The following TMEM87B variants were observed in gnomAD, a reference collection of about 807,000 sequenced individuals.
TMEM87B encodes transmembrane protein 87B.
Under a neutral mutation model 80.3 loss-of-function variants are expected in TMEM87B, and 83 were observed. The observed-to-expected ratio is 1.03, with a 90% CI of 0.87 to 1.24. The LOEUF is 1.24. Ranked by LOEUF, TMEM87B falls within the 50% of genes most tolerant of loss-of-function variation. The probability of loss-of-function intolerance (pLI) is 0.00; values close to 1 mark genes in which losing one functional copy is unlikely to be tolerated. For missense variants in TMEM87B, 625 were observed against 674.4 expected (o/e 0.93, Z 0.81); for synonymous variants, 219 against 230.5 (o/e 0.95, Z 0.45).
At chr2:112,089,546 G>A in intron 9 of TMEM87B, 79 bp from the exon 10 acceptor site, 1 of 1,250,236 alleles carries the variant, frequency 8.0e-7, no homozygotes, top group Non-Finnish European at 1.2e-6. Context: ...TATTGGAAAT[G>A]GTGCCAGTTA....
chr2:112,078,636 C>G (rs1573699165), intron 6 of TMEM87B, among the ~76,000 whole-genome samples: 1 of 152,224 alleles, frequency 6.6e-6, no homozygotes, highest in Non-Finnish European at 1.5e-5. Context: ...GTGCCCACTT[C>G]TTTCCCAGGC....
chr2:112,102,910 T>C (rs1679668788), intron 15 of TMEM87B, among the ~76,000 whole-genome samples: 1 of 152,164 alleles, frequency 6.6e-6, no homozygotes, highest in African/African-American at 2.4e-5. Context: ...GGTATGTACA[T>C]ACCACTTTGA....
chr2:112,097,737 A>T (rs923072961), intron 13 of TMEM87B, among the ~76,000 whole-genome samples: 3 of 143,026 alleles, frequency 2.1e-5, no homozygotes, highest in Non-Finnish European at 3.1e-5. Context: ...AAAAAAAAAA[A>T]CTTTTAACTC....
At chr2:112,113,424 CA>C (rs1254662275) in intron 18 of TMEM87B, among the ~76,000 whole-genome samples, 14 of 152,108 alleles carry the variant, frequency 9.2e-5, no homozygotes, top group Non-Finnish European at 1.9e-4. Context: ...CATTAACTTT[CA>C]AAAAGGACGA....
In TMEM87B at chr2:112,055,640, C is replaced by T. The variant is rs764554562; in HGVS notation, c.49C>T (p.Arg17Cys). Residue 17 changes from arginine to cysteine, a missense_variant, in exon 1 of 19, where the codon CGC (arginine) becomes TGC (cysteine). Physicochemically the swap from Arg to Cys is radical, Grantham distance 180. Transcript: ENST00000283206. ...AGCCGGGCTCCTGCCACGCCGCCGCCGCTGCTTTCCCGCCCGGGCCCCGCT... is the reference window on the plus strand; with the variant it reads ...AGCCGGGCTCCTGCCACGCCGCCGCTGCTGCTTTCCCGCCCGGGCCCCGCT... ...SVAGLLPRRR[R>C]CFPARAPLLR... 4.5e-6 allele frequency: 7 copies of T among 1,559,108 alleles called. No homozygotes were observed. The highest frequency in any genetic ancestry group is 1.2e-5 in the South Asian group (1 of 85,728).
At chr2:112,066,413 T>A (rs1343784935) in intron 3 of TMEM87B, among the ~76,000 whole-genome samples, 5 of 152,334 alleles carry the variant, frequency 3.3e-5, no homozygotes, top group Non-Finnish European at 4.4e-5. Flanking sequence ...CAACTCCACT[T>A]TTTTTGATGA....
chr2:112,060,105 T>C, intron 2 of TMEM87B, 68 bp downstream of exon 2: 1 of 1,386,102 alleles, frequency 7.2e-7, no homozygotes, highest in Non-Finnish European at 9.5e-7. Context: ...CCCGGCACTT[T>C]GGGAGGCCGA....
rs1163154029 is a variant in TMEM87B, at chr2:112,117,608, C to T, written c.*1465C>T. Reference sequence around the variant, plus strand: ...AGTGAACAGTGTTGGCAAACATTACCGAGAAAATCATGCTTTTCAAGATGC... The same window carrying T: ...AGTGAACAGTGTTGGCAAACATTACTGAGAAAATCATGCTTTTCAAGATGC... On this transcript the variant is annotated 3_prime_UTR_variant, in exon 19 of 19. Transcript: ENST00000283206. 4 of 151,798 alleles carry T rather than the reference C, an allele frequency of 2.6e-5. No homozygotes were observed. The highest frequency in any genetic ancestry group is 3.9e-4 in the East Asian group (2 of 5,184). 9.4% of individuals were successfully genotyped at this position (151,798 alleles called of 1,614,324 possible).
chr2:112,107,720 A>T, intron 16 of TMEM87B, 68 bp from the exon 17 acceptor site: 2 of 822,624 alleles, frequency 2.4e-6, no homozygotes, highest in Non-Finnish European at 1.9e-6. Context: ...AGTTATATAT[A>T]TATTCTGTTT....
chr2:112,087,946 GT>G (rs1252644021), intron 9 of TMEM87B, among the ~76,000 whole-genome samples: 1 of 152,108 alleles, frequency 6.6e-6, no homozygotes, highest in East Asian at 1.9e-4. Flanking sequence ...CTGGGAGCTC[GT>G]CTTCCATCCT....
chr2:112,094,062 G>A (rs1398364004), intron 11 of TMEM87B, among the ~76,000 whole-genome samples: 2 of 151,868 alleles, frequency 1.3e-5, no homozygotes, highest in African/African-American at 2.4e-5. Flanking sequence ...TAGGGAGTAT[G>A]GTCCTTCATT....
intron 11 of TMEM87B, among the ~76,000 whole-genome samples, chr2:112,094,372 A>G (rs1309453726): frequency 1.3e-5 from 2 of 152,064 alleles, no homozygotes; most frequent in African/African-American, 4.8e-5. Flanking sequence ...CATGTTGGCC[A>G]GGACGGTCTT....
intron 4 of TMEM87B, among the ~76,000 whole-genome samples, chr2:112,068,663 C>T (rs189642861): frequency 1.4e-3 from 207 of 151,944 alleles, no homozygotes; most frequent in African/African-American, 4.7e-3. Context: ...GAGATCATGC[C>T]GCTGCACTCC....
chr2:112,097,308 T>C lies in TMEM87B; in HGVS notation c.1272+17T>C, dbSNP rs1366135345. ...TGCCAATCAGTAAGTATAACCTTCC[T>C]ATTTAAACAGTTATTTTTATTTATA... On this transcript the variant is annotated intron_variant, in intron 13 of 18. Transcript: ENST00000283206. 1.3e-6 allele frequency: 2 copies of C among 1,566,760 alleles called. No homozygotes were observed. Among genetic ancestry groups the C allele is most frequent in the Non-Finnish European group, 1.7e-6 (2 of 1,156,912 alleles).
rs1487903605 is a variant in TMEM87B, at chr2:112,055,305, C to CA, written c.-286dup. On this transcript the variant is annotated 5_prime_UTR_variant, in exon 1 of 19. Transcript: ENST00000283206. ...CACGCTAGGCCCTGAGCCCAGCCTC[C>CA]ACGTCTCGCCGCCAACTCCACATCC... 4.3e-6 allele frequency: 2 copies of CA among 466,742 alleles called. No individual in the cohort carries two copies. Among genetic ancestry groups the CA allele is most frequent in the Admixed American group, 8.9e-5 (2 of 22,506 alleles). 28.9% of individuals were successfully genotyped at this position (466,742 alleles called of 1,614,324 possible).
intron 5 of TMEM87B, among the ~76,000 whole-genome samples, chr2:112,076,896 G>T (rs1477408474): frequency 7.3e-6 from 1 of 137,054 alleles, no homozygotes; most frequent in Non-Finnish European, 1.6e-5. Context: ...GTGTCTGTGT[G>T]TGTGTTTAAA....
chr2:112,089,719 G>A lies in TMEM87B; in HGVS notation c.1032+1G>A. ...TGAAGGCGTGATGAGAGTCATTGGG[G>A]TAAAAACTACATTATTCTACCACCC... On this transcript the variant is annotated splice_donor_variant, in intron 10 of 18. Transcript: ENST00000283206. LOFTEE classifies it high-confidence loss of function. 1.2e-6 allele frequency: 2 copies of A among 1,613,784 alleles called. No homozygotes were observed. Among genetic ancestry groups the A allele is most frequent in the Non-Finnish European group, 1.7e-6 (2 of 1,179,708 alleles).
intron 2 of TMEM87B, among the ~76,000 whole-genome samples, chr2:112,060,540 CT>C (rs1196266055): frequency 1.7e-4 from 25 of 143,410 alleles, no homozygotes; most frequent in East Asian, 6.0e-4. Flanking sequence ...ATGGATTTTT[CT>C]TTTTTTTTTT....
At chr2:112,059,108 T>A (rs1243690795) in intron 1 of TMEM87B, among the ~76,000 whole-genome samples, 1 of 152,210 alleles carries the variant, frequency 6.6e-6, no homozygotes, top group Admixed American at 6.5e-5. Context: ...TGAAACTCTG[T>A]TGGGGAAGGG....
Sources: allele counts gnomAD v4.1 joint callset (sites outside exome capture counted in the v4.1 genomes callset), GRCh38; gene constraint gnomAD v4.1.1; transcripts MANE v1.5; gene names NCBI Gene and HGNC (gene_info 2026-07-23, HGNC 2026-07-21).